The following PDE4B variants were observed in gnomAD, a reference collection of about 807,000 sequenced individuals.
PDE4B encodes the protein phosphodiesterase 4B, also known as 3',5'-cyclic-AMP phosphodiesterase 4B.
A neutral mutation model predicts 82.2 loss-of-function variants in PDE4B; 20 were observed. The observed-to-expected ratio is 0.24, with a 90% CI of 0.17 to 0.35. The LOEUF is 0.35. Among genes scored for constraint, PDE4B ranks in the 10% least tolerant of loss-of-function variants. The probability of loss-of-function intolerance (pLI) is 1.00; values close to 1 mark genes in which losing one functional copy is unlikely to be tolerated. For missense variants in PDE4B, 655 were observed against 907.2 expected, an observed-to-expected ratio of 0.72 and a Z score of 3.57; for synonymous variants, 320 against 318.9, an observed-to-expected ratio of 1.00 and a Z score of -0.04.
At chr1:66,239,733 C>G (rs1418163840) in intron 3 of PDE4B, among the ~76,000 whole-genome samples, 1 of 152,084 alleles carries the variant, frequency 6.6e-6, no homozygotes, top group Non-Finnish European at 1.5e-5. Flanking sequence ...AAATATACTC[C>G]TAAGCATTTG....
At chr1:66,169,559 C>G (rs1160675087) in intron 3 of PDE4B, among the ~76,000 whole-genome samples, 1 of 152,214 alleles carries the variant, frequency 6.6e-6, no homozygotes, top group Non-Finnish European at 1.5e-5. Context: ...GTTAGGTGTT[C>G]TCTCATGGTG....
intron 3 of PDE4B, among the ~76,000 whole-genome samples, chr1:66,151,630 A>G (rs1646395820): frequency 6.6e-6 from 1 of 152,128 alleles, no homozygotes. Context: ...AAAAATTCCT[A>G]TCTGTGGTTT....
intron 3 of PDE4B, among the ~76,000 whole-genome samples, chr1:66,024,939 A>G (rs552089345): frequency 6.6e-6 from 1 of 151,952 alleles, no homozygotes; most frequent in Non-Finnish European, 1.5e-5. Flanking sequence ...ACTTAACTAA[A>G]GTATTATGTA....
At chr1:65,893,940 G>T (rs1257372379) in intron 1 of PDE4B, among the ~76,000 whole-genome samples, 1 of 152,044 alleles carries the variant, frequency 6.6e-6, no homozygotes, top group Non-Finnish European at 1.5e-5. Flanking sequence ...TGGGAGCTAA[G>T]CTATGAGGAC....
chr1:65,990,684 A>G (rs997916978), intron 3 of PDE4B, among the ~76,000 whole-genome samples: 14 of 152,270 alleles, frequency 9.2e-5, no homozygotes, highest in Admixed American at 7.2e-4. Context: ...TAATTGAATT[A>G]AAGATCATTC....
At chr1:66,280,084 T>G (rs1656187416) in intron 7 of PDE4B, among the ~76,000 whole-genome samples, 1 of 152,244 alleles carries the variant, frequency 6.6e-6, no homozygotes. Flanking sequence ...GCCTAGCTCT[T>G]CTACAAACAA....
intron 3 of PDE4B, among the ~76,000 whole-genome samples, chr1:66,147,477 T>C (rs1018546639): frequency 4.6e-5 from 7 of 152,190 alleles, no homozygotes; most frequent in Non-Finnish European, 4.4e-5. Context: ...ACCAGCTACC[T>C]TCCACATGCC....
At chr1:66,189,723 TG>T (rs772551006) in intron 3 of PDE4B, among the ~76,000 whole-genome samples, 13 of 152,190 alleles carry the variant, frequency 8.5e-5, no homozygotes, top group Non-Finnish European at 1.3e-4. Context: ...TTATTCTAGT[TG>T]GCCATTCATC....
chr1:66,281,804 A>G (rs1656320356), intron 7 of PDE4B, among the ~76,000 whole-genome samples: 2 of 152,220 alleles, frequency 1.3e-5, no homozygotes, highest in South Asian at 4.1e-4. Context: ...ACAACCTTCT[A>G]TTAAGTCAAT....
chr1:66,015,208 G>A (rs573425941), intron 3 of PDE4B, among the ~76,000 whole-genome samples: 1 of 152,178 alleles, frequency 6.6e-6, no homozygotes, highest in East Asian at 1.9e-4. Flanking sequence ...GTAAATAATT[G>A]TAGGATTGAT....
intron 3 of PDE4B, among the ~76,000 whole-genome samples, chr1:65,935,077 T>C (rs1039132306): frequency 3.3e-5 from 5 of 152,158 alleles, no homozygotes; most frequent in African/African-American, 1.2e-4. Flanking sequence ...CAGGTGTACA[T>C]GAAACATTCT....
chr1:65,865,614 G>A (rs1296822627), intron 1 of PDE4B, among the ~76,000 whole-genome samples: 6 of 152,082 alleles, frequency 3.9e-5, no homozygotes, highest in African/African-American at 7.2e-5. Flanking sequence ...AGTCCCTCAC[G>A]GCTTCCTTTG....
chr1:66,057,818 A>T (rs1380500664), intron 3 of PDE4B, among the ~76,000 whole-genome samples: 1 of 152,140 alleles, frequency 6.6e-6, no homozygotes, highest in African/African-American at 2.4e-5. Flanking sequence ...GAGCTATAAG[A>T]TGAAATTTGG....
intron 7 of PDE4B, among the ~76,000 whole-genome samples, chr1:66,299,284 A>G (rs1657724045): frequency 6.6e-6 from 1 of 152,096 alleles, no homozygotes. Context: ...TTATGAGCTC[A>G]ATGTTTTTTA....
intron 7 of PDE4B, among the ~76,000 whole-genome samples, chr1:66,309,261 G>A (rs1658502907): frequency 6.6e-6 from 1 of 152,122 alleles, no homozygotes; most frequent in Non-Finnish European, 1.5e-5. Context: ...GACACAAGAC[G>A]TAATGGTCTA....
At chr1:65,862,331 A>G (rs926493946) in intron 1 of PDE4B, among the ~76,000 whole-genome samples, 4 of 151,994 alleles carry the variant, frequency 2.6e-5, no homozygotes, top group Non-Finnish European at 4.4e-5. Flanking sequence ...TATTATTTCT[A>G]TTTATGTGAT....
At chr1:66,291,937 GT>G (rs1291646888) in intron 7 of PDE4B, among the ~76,000 whole-genome samples, 2 of 152,012 alleles carry the variant, frequency 1.3e-5, no homozygotes, top group African/African-American at 2.4e-5. Context: ...CCTGTGAATT[GT>G]TTTTTTCATA....
At chr1:66,035,462 A>G (rs1321303084) in intron 3 of PDE4B, among the ~76,000 whole-genome samples, 2 of 152,168 alleles carry the variant, frequency 1.3e-5, no homozygotes, top group Admixed American at 6.5e-5. Context: ...CTTATTGACC[A>G]ACATCTCCTC....
intron 3 of PDE4B, among the ~76,000 whole-genome samples, chr1:66,044,808 C>T (rs1324482088): frequency 6.6e-6 from 1 of 151,640 alleles, no homozygotes; most frequent in Non-Finnish European, 1.5e-5. Context: ...CATATGTGAT[C>T]ATTTTATGAG....
Sources: allele counts gnomAD v4.1 joint callset (sites outside exome capture counted in the v4.1 genomes callset), GRCh38; gene constraint gnomAD v4.1.1; transcripts MANE v1.5; gene names NCBI Gene and HGNC (gene_info 2026-07-23, HGNC 2026-07-21).